MGAT4C: variants seen among roughly 807,000 people sequenced by gnomAD.
The protein encoded by MGAT4C is alpha-1,3-mannosyl-glycoprotein 4-beta-N-acetylglucosaminyltransferase C.
MGAT4C carries 19 observed loss-of-function variants against 40.1 expected under a neutral mutation model. The ratio of observed to expected loss-of-function variants is 0.47; its 90% CI spans 0.33 to 0.70. The LOEUF (loss-of-function observed/expected upper bound fraction) is 0.70. Ranked by LOEUF, MGAT4C falls within the 30% of genes least tolerant of loss-of-function variation. The pLI, the probability that MGAT4C is intolerant of heterozygous loss-of-function variation, is 0.02. For synonymous variants in MGAT4C, 181 were observed against 187.1 expected (o/e 0.97, Z 0.27); for missense variants, 491 against 563.2 (o/e 0.87, Z 1.30).
chr12:86,598,426 C>A (rs1961625310), intron 2 of MGAT4C, among the ~76,000 whole-genome samples: 1 of 151,996 alleles, frequency 6.6e-6, no homozygotes, highest in Non-Finnish European at 1.5e-5. Flanking sequence ...ACTTCTTCCA[C>A]CTATTTAGAA....
intron 2 of MGAT4C, among the ~76,000 whole-genome samples, chr12:86,539,485 C>G (rs1007237026): frequency 2.6e-5 from 4 of 152,100 alleles, no homozygotes; most frequent in Non-Finnish European, 5.9e-5. Flanking sequence ...AATAAACATA[C>G]GTGTGCATGT....
At chr12:86,817,040 T>C (rs563264317) in intron 1 of MGAT4C, among the ~76,000 whole-genome samples, 1 of 151,034 alleles carries the variant, frequency 6.6e-6, no homozygotes, top group Non-Finnish European at 1.5e-5. Flanking sequence ...TTTCTTTCAG[T>C]ATATTCAGTT....
chr12:86,491,059 G>A (rs575714847), intron 2 of MGAT4C, among the ~76,000 whole-genome samples: 24 of 151,950 alleles, frequency 1.6e-4, no homozygotes, highest in Non-Finnish European at 2.9e-4. Context: ...TGCACCAAGC[G>A]GACCTCATAG....
chr12:86,821,569 T>C (rs1176396622), intron 1 of MGAT4C, among the ~76,000 whole-genome samples: 6 of 150,972 alleles, frequency 4.0e-5, no homozygotes, highest in Admixed American at 2.0e-4. Flanking sequence ...ATGATACTTA[T>C]CATATAGTGC....
At chr12:86,697,386 T>A (rs1017209764) in intron 2 of MGAT4C, among the ~76,000 whole-genome samples, 2 of 152,178 alleles carry the variant, frequency 1.3e-5, no homozygotes, top group African/African-American at 4.8e-5. Flanking sequence ...GATAGCTGGA[T>A]ACAGTTGTAA....
In MGAT4C at chr12:85,967,851, C is replaced by G. The variant is rs373648131; in HGVS notation, c.*11438G>C. 2.0e-5 allele frequency: 3 copies of G among 152,138 alleles called. No individual in the cohort carries two copies. The highest frequency in any genetic ancestry group is 7.2e-5 in the African/African-American group (3 of 41,558). 9.4% of individuals were successfully genotyped at this position (152,138 alleles called of 1,614,324 possible). Reference sequence around the variant, plus strand: ...TCTGTGTATATTTACATAATTTACACTATTCACAGTCCTTGTTTTTCTTGA... The same window carrying G: ...TCTGTGTATATTTACATAATTTACAGTATTCACAGTCCTTGTTTTTCTTGA... On this transcript the variant is annotated 3_prime_UTR_variant, in exon 5 of 5. Transcript: ENST00000611864.
intron 4 of MGAT4C, among the ~76,000 whole-genome samples, chr12:86,306,701 TA>T (rs1358498915): frequency 6.6e-6 from 1 of 150,518 alleles, no homozygotes; most frequent in Admixed American, 6.6e-5. Context: ...TGTGGAAGTT[TA>T]ATTGTAAAGT....
chr12:86,579,745 T>C (rs757414248), intron 2 of MGAT4C, among the ~76,000 whole-genome samples: 4 of 151,602 alleles, frequency 2.6e-5, no homozygotes, highest in African/African-American at 9.7e-5. Flanking sequence ...CTGGTATTGA[T>C]GAAATCTAGC....
At chr12:86,346,559 T>G (rs1955037922) in intron 3 of MGAT4C, among the ~76,000 whole-genome samples, 1 of 152,186 alleles carries the variant, frequency 6.6e-6, no homozygotes, top group African/African-American at 2.4e-5. Context: ...AAACCACAAT[T>G]TGTTTAACTA....
At chr12:86,297,976 AT>A (rs1953720115) in intron 4 of MGAT4C, among the ~76,000 whole-genome samples, 1 of 152,208 alleles carries the variant, frequency 6.6e-6, no homozygotes, top group Non-Finnish European at 1.5e-5. Flanking sequence ...GAAAACATAT[AT>A]ATAAAGATAT....
intron 2 of MGAT4C, among the ~76,000 whole-genome samples, chr12:86,532,003 T>C (rs1488728727): frequency 1.3e-5 from 2 of 151,980 alleles, no homozygotes; most frequent in African/African-American, 2.4e-5. Context: ...TACACTAATT[T>C]TCTAAATACT....
intron 2 of MGAT4C, among the ~76,000 whole-genome samples, chr12:86,635,798 TC>T (rs1166446524): frequency 6.6e-6 from 1 of 151,856 alleles, no homozygotes; most frequent in Non-Finnish European, 1.5e-5. Context: ...CACCTTGGTC[TC>T]CTGAGTAGCT....
intron 4 of MGAT4C, among the ~76,000 whole-genome samples, chr12:86,263,085 A>G (rs1952693906): frequency 6.6e-6 from 1 of 152,084 alleles, no homozygotes; most frequent in Non-Finnish European, 1.5e-5. Flanking sequence ...ATGTAATTTC[A>G]AATGTAATTA....
chr12:86,686,990 G>A (rs1371678832), intron 2 of MGAT4C, among the ~76,000 whole-genome samples: 1 of 152,050 alleles, frequency 6.6e-6, no homozygotes, highest in Non-Finnish European at 1.5e-5. Flanking sequence ...GTTGTTGTTG[G>A]TAGGCTATTA....
chr12:86,564,564 G>T (rs1037979351), intron 2 of MGAT4C, among the ~76,000 whole-genome samples: 6 of 152,162 alleles, frequency 3.9e-5, no homozygotes, highest in African/African-American at 1.4e-4. Context: ...GCATGCAATG[G>T]GATGGAAAAT....
chr12:86,124,348 C>G (rs914937269), intron 1 of MGAT4C, among the ~76,000 whole-genome samples: 1 of 152,052 alleles, frequency 6.6e-6, no homozygotes, highest in African/African-American at 2.4e-5. Context: ...AAGTGTTACG[C>G]TGAGTGCAGA....
chr12:86,331,462 G>T (rs1056714142), intron 4 of MGAT4C, among the ~76,000 whole-genome samples: 4 of 152,112 alleles, frequency 2.6e-5, no homozygotes, highest in African/African-American at 9.7e-5. Context: ...CCTAGAGGAA[G>T]GTCATATACC....
chr12:86,441,759 G>A (rs1957233458), intron 2 of MGAT4C, among the ~76,000 whole-genome samples: 2 of 151,884 alleles, frequency 1.3e-5, no homozygotes, highest in Admixed American at 1.3e-4. Flanking sequence ...ATGGACATTT[G>A]GGTTGGTTCC....
intron 2 of MGAT4C, among the ~76,000 whole-genome samples, chr12:86,026,003 T>C (rs1483043142): frequency 6.6e-6 from 1 of 151,832 alleles, no homozygotes; most frequent in Non-Finnish European, 1.5e-5. Flanking sequence ...TTATGATTAA[T>C]ACTTATAATA....
Sources: gnomAD v4.1 joint callset for allele counts (sites outside exome capture counted in the v4.1 genomes callset) on GRCh38, gnomAD v4.1.1 for gene constraint, MANE v1.5 for transcripts, NCBI Gene and HGNC (gene_info 2026-07-23, HGNC 2026-07-21) for gene names.